The following RPAP2 variants were observed in gnomAD, a reference collection of about 807,000 sequenced individuals.
The protein encoded by RPAP2 is RNA polymerase II associated protein 2.
In RPAP2, 52 loss-of-function variants were observed where a neutral mutation model predicts 73.1. The observed-to-expected ratio is 0.71, with a 90% CI of 0.57 to 0.90. The LOEUF is 0.90. Among genes scored for constraint, RPAP2 ranks in the 40% least tolerant of loss-of-function variants. RPAP2 has a pLI of 0.00. For missense variants in RPAP2, 598 were observed against 701.8 expected, an observed-to-expected ratio of 0.85 and a Z score of 1.67; for synonymous variants, 225 against 242.1, an observed-to-expected ratio of 0.93 and a Z score of 0.65.
Position 92,333,413 on chromosome 1 carries a change from T to C in RPAP2, c.1478T>C (p.Ile493Thr). ...SEEHDSTFPL[I>T]DSSSQNQIRK... is the part of the protein sequence containing the mutation. ...CAGCATGATTCCACCTTTCCACTGATAGACTCAAGTTCCCAGAACCAGATT... is the reference window on the plus strand; with the variant it reads ...CAGCATGATTCCACCTTTCCACTGACAGACTCAAGTTCCCAGAACCAGATT... The change falls in exon 9 of 13, where the codon ATA becomes ACA. Residue 493 changes from isoleucine (I) to threonine (T), a missense_variant. This residue lies in a region of RPAP2 where 506 missense variants were observed against 612.8 expected (regional missense o/e 0.83). Coordinates refer to ENST00000610020, the MANE Select transcript of RPAP2 (RefSeq NM_024813.3). The C allele has an allele frequency of 6.2e-7, 1 of 1,613,572 alleles. No individual in the cohort carries two copies. Among genetic ancestry groups the C allele is most frequent in the Non-Finnish European group, 8.5e-7 (1 of 1,179,572 alleles).
chr1:92,310,016 C>A (rs1417122723), intron 6 of RPAP2, among the ~76,000 whole-genome samples: 1 of 152,182 alleles, frequency 6.6e-6, no homozygotes, highest in South Asian at 2.1e-4. Flanking sequence ...TTTAATCCAA[C>A]CCCTTCATTA....
intron 8 of RPAP2, 167 bp from the exon 9 acceptor site, chr1:92,333,224 C>A: frequency 1.7e-6 from 1 of 577,460 alleles, no homozygotes; most frequent in Non-Finnish European, 3.1e-6. Flanking sequence ...TCACAACAGC[C>A]TAACAACTGA....
chr1:92,372,096 A>C (rs1655180552), intron 11 of RPAP2, among the ~76,000 whole-genome samples: 1 of 152,150 alleles, frequency 6.6e-6, no homozygotes, highest in African/African-American at 2.4e-5. Flanking sequence ...TCAAAACATC[A>C]TGTTGTACTC....
chr1:92,308,524 AT>A (rs1651382705), intron 6 of RPAP2, among the ~76,000 whole-genome samples: 1 of 152,146 alleles, frequency 6.6e-6, no homozygotes, highest in Non-Finnish European at 1.5e-5. Context: ...TTCCAAAGAT[AT>A]TTTCTCTACA....
At chr1:92,341,552 T>C (rs777995328) in intron 10 of RPAP2, among the ~76,000 whole-genome samples, 2 of 152,192 alleles carry the variant, frequency 1.3e-5, no homozygotes, top group East Asian at 1.9e-4. Flanking sequence ...ACAGTGATAA[T>C]ACAGCAGACA....
chr1:92,387,238 G>A lies in RPAP2; in HGVS notation c.*227G>A. 1 of 374,566 alleles carries A rather than the reference G, an allele frequency of 2.7e-6. No homozygotes were observed. Among genetic ancestry groups the A allele is most frequent in the Non-Finnish European group, 4.8e-6 (1 of 207,928 alleles). 23.2% of individuals were successfully genotyped at this position (374,566 alleles called of 1,614,324 possible). On this transcript the variant is annotated 3_prime_UTR_variant, in exon 13 of 13. Transcript: ENST00000610020. ...CTCCAACAAGAATAACCAAGTCTTT[G>A]TATCCCTAGTACAAGACATAGTATT... is the stretch of plus-strand genomic sequence containing the variant.
intron 11 of RPAP2, among the ~76,000 whole-genome samples, chr1:92,380,296 T>C (rs1655575131): frequency 1.3e-5 from 2 of 150,906 alleles, no homozygotes; most frequent in African/African-American, 4.9e-5. Flanking sequence ...AAAAAACAAA[T>C]AAAATTTCAT....
intron 6 of RPAP2, among the ~76,000 whole-genome samples, chr1:92,319,414 CGTT>C (rs753488983): frequency 6.6e-6 from 1 of 152,200 alleles, no homozygotes; most frequent in Non-Finnish European, 1.5e-5. Context: ...GTAGCTACAT[CGTT>C]GTTATGAGGA....
intron 10 of RPAP2, among the ~76,000 whole-genome samples, chr1:92,344,423 C>T (rs1237627577): frequency 2.0e-5 from 3 of 151,990 alleles, no homozygotes; most frequent in African/African-American, 4.8e-5. Context: ...AAATGCTATA[C>T]GATGTTTGCT....
At chr1:92,364,497 A>AT (rs926447724) in intron 11 of RPAP2, among the ~76,000 whole-genome samples, 26 of 151,546 alleles carry the variant, frequency 1.7e-4, no homozygotes, top group Middle Eastern at 3.4e-3. Flanking sequence ...CGTAGACCAA[A>AT]TTTTTTTTTA....
At chr1:92,315,787 A>G (rs1571041861) in intron 6 of RPAP2, among the ~76,000 whole-genome samples, 1 of 152,200 alleles carries the variant, frequency 6.6e-6, no homozygotes, top group African/African-American at 2.4e-5. Flanking sequence ...TAAGGTATGT[A>G]AAATATCTGG....
At chr1:92,315,020 G>A (rs1651826610) in intron 6 of RPAP2, among the ~76,000 whole-genome samples, 1 of 152,132 alleles carries the variant, frequency 6.6e-6, no homozygotes, top group South Asian at 2.1e-4. Context: ...ACTCCAGCCT[G>A]GGTGAAGAGC....
rs144350326 is a variant in RPAP2 at position 92,306,407 on chromosome 1, TA to T, written c.400-773del. Among the ~76,000 whole-genome samples, 16 of 152,134 alleles carry T rather than the reference TA, an allele frequency of 1.1e-4. 1 individual carries two copies. The South Asian group carries it at 3.1e-3, about 30-fold the overall frequency. On this transcript the variant is annotated intron_variant, in intron 5 of 12. Coordinates refer to ENST00000610020, the MANE Select transcript of RPAP2 (RefSeq NM_024813.3). The stretch of plus-strand genomic sequence containing the variant: ...CACAATTGTGAACATTTTTTAATTG[TA>T]AAAAAAAGTTTATAGTAACATTGTA...
intron 3 of RPAP2, among the ~76,000 whole-genome samples, chr1:92,302,083 C>A (rs1645430242): frequency 6.6e-6 from 1 of 152,120 alleles, no homozygotes; most frequent in Non-Finnish European, 1.5e-5. Flanking sequence ...GAGTTCGAGA[C>A]CAGCCTGGCC....
chr1:92,335,858 A>G (rs533471387), intron 9 of RPAP2, among the ~76,000 whole-genome samples: 44 of 152,264 alleles, frequency 2.9e-4, no homozygotes, highest in Non-Finnish European at 4.3e-4. Flanking sequence ...TCATCTGATT[A>G]TTTCCTTAGA....
At chr1:92,302,590 A>ATATTT in intron 3 of RPAP2, among the ~76,000 whole-genome samples, 1 of 74,338 alleles carries the variant, frequency 1.3e-5, no homozygotes, top group African/African-American at 5.7e-5. Flanking sequence ...TCCGCATTAA[A>ATATTT]TTTTTTTTTT....
rs1199930510 is a variant in RPAP2, at chr1:92,397,692, A to C, written c.*10681A>C. ...GTACTGTGCTGGATTTTGGTTTCTA[A>C]ATATTTTCCAATAGAAAAGAACCCA... On this transcript the variant is annotated 3_prime_UTR_variant, in exon 13 of 13. Coordinates refer to ENST00000610020, the MANE Select transcript of RPAP2 (RefSeq NM_024813.3). 3 of 152,216 alleles carry C rather than the reference A, an allele frequency of 2.0e-5. No homozygotes were observed. The highest frequency in any genetic ancestry group is 7.2e-5 in the African/African-American group (3 of 41,470). The allele number at this position is 152,216 out of a possible 1,614,324, so 9.4% of individuals were successfully genotyped here.
chr1:92,335,809 C>T (rs1354546190), intron 9 of RPAP2, among the ~76,000 whole-genome samples: 2 of 152,096 alleles, frequency 1.3e-5, no homozygotes, highest in African/African-American at 4.8e-5. Context: ...TGATTTTTCA[C>T]TACTAAAGCT....
chr1:92,307,388 A>G, intron 6 of RPAP2, 112 bp downstream of exon 6: 1 of 657,138 alleles, frequency 1.5e-6, no homozygotes, highest in East Asian at 2.8e-5. Context: ...TTACCATTTT[A>G]TATACTTTAT....
Sources: gnomAD v4.1 joint callset for allele counts (sites outside exome capture counted in the v4.1 genomes callset) on GRCh38, gnomAD v4.1.1 for gene constraint, gnomAD v4.1.1 regional missense constraint, MANE v1.5 for transcripts, NCBI Gene and HGNC (gene_info 2026-07-23, HGNC 2026-07-21) for gene names.